The following GABRG3 variants were observed in gnomAD, a reference collection of about 807,000 sequenced individuals.
The protein encoded by GABRG3 is gamma-aminobutyric acid receptor subunit gamma-3.
In GABRG3, 25 loss-of-function variants were observed where a neutral mutation model predicts 48.8. The ratio of observed to expected loss-of-function variants is 0.51; its 90% CI spans 0.37 to 0.72. The LOEUF (loss-of-function observed/expected upper bound fraction) is 0.72. Ranked by LOEUF, GABRG3 falls within the 30% of genes least tolerant of loss-of-function variation. The probability of loss-of-function intolerance (pLI) is 0.00; values close to 1 mark genes in which losing one functional copy is unlikely to be tolerated. For missense variants in GABRG3, 394 were observed against 577.9 expected (o/e 0.68, Z 3.26); for synonymous variants, 227 against 217.6 (o/e 1.04, Z -0.38).
rs192409313 is a variant in GABRG3, at chr15:27,524,141, G to A, written c.866-3292G>A. Among the ~76,000 whole-genome samples, 430 of 152,124 alleles carry A rather than the reference G, an allele frequency of 2.8e-3. 3 individuals are homozygous for A. Among genetic ancestry groups the A allele is most frequent in the African/African-American group, 9.9e-3 (413 of 41,554 alleles). ...AAATTATTAAGAGTAGCAAAGAAATGTCACCTTGCCTATATAGAAAAAACA... is the reference window on the plus strand; with the variant it reads ...AAATTATTAAGAGTAGCAAAGAAATATCACCTTGCCTATATAGAAAAAACA... On this transcript the variant is annotated intron_variant, in intron 7 of 9. Coordinates refer to ENST00000615808, the MANE Select transcript of GABRG3 (RefSeq NM_033223.5).
chr15:27,208,475 A>G (rs904994231), intron 3 of GABRG3: 16 of 179,590 alleles, frequency 8.9e-5, no homozygotes, highest in Admixed American at 8.9e-4. Context: ...AATACTGCCT[A>G]GTTTCTGAAG....
chr15:26,992,368 G>C (rs1187005671), intron 2 of GABRG3, among the ~76,000 whole-genome samples: 1 of 152,142 alleles, frequency 6.6e-6, no homozygotes, highest in Non-Finnish European at 1.5e-5. Flanking sequence ...CTGTGGGTCT[G>C]TCATATACAG....
intron 3 of GABRG3, among the ~76,000 whole-genome samples, chr15:27,138,217 C>CA (rs1211918985): frequency 1.3e-5 from 2 of 152,200 alleles, no homozygotes; most frequent in African/African-American, 4.8e-5. Context: ...ACTTTAGACA[C>CA]AAACAATTTG....
At chr15:27,439,863 A>C (rs1038945208) in intron 5 of GABRG3, among the ~76,000 whole-genome samples, 1 of 152,238 alleles carries the variant, frequency 6.6e-6, no homozygotes, top group Admixed American at 6.5e-5. Flanking sequence ...AGACGGCACC[A>C]GTATAACCCG....
chr15:27,285,298 TG>T (rs1891573303), intron 3 of GABRG3, among the ~76,000 whole-genome samples: 1 of 134,718 alleles, frequency 7.4e-6, no homozygotes, highest in East Asian at 2.0e-4. Context: ...TGTGTGTGTG[TG>T]TGTTTTCTTC....
At chr15:27,195,732 T>C (rs2140425677) in intron 3 of GABRG3, among the ~76,000 whole-genome samples, 1 of 152,186 alleles carries the variant, frequency 6.6e-6, no homozygotes, top group Admixed American at 6.5e-5. Context: ...CCTCCCAGGT[T>C]CAAGTGATTC....
chr15:26,976,621 C>T lies in GABRG3; in HGVS notation c.54-381C>T, dbSNP rs1443465323. On this transcript the variant is annotated intron_variant, in intron 1 of 9. Transcript: ENST00000615808. This position sits in a 1 kb window ranked among gnomAD's most constrained non-coding sequence, Gnocchi z 7.8. ...GGGTGGAAACACCACGATGCAGTCA[C>T]CATATAGAAAACCTCTAGAAGGTTT... Among the ~76,000 whole-genome samples the T allele has an allele frequency of 6.6e-6, 1 of 152,112 alleles. No individual in the cohort carries two copies. The highest frequency in any genetic ancestry group is 1.5e-5 in the Non-Finnish European group (1 of 68,026).
intron 3 of GABRG3, among the ~76,000 whole-genome samples, chr15:27,127,325 T>C (rs143773396): frequency 6.6e-6 from 1 of 152,120 alleles, no homozygotes; most frequent in Non-Finnish European, 1.5e-5. Flanking sequence ...GAGGACATTA[T>C]GCTAAGTAAA....
At chr15:27,113,322 T>C (rs1897586890) in intron 3 of GABRG3, among the ~76,000 whole-genome samples, 1 of 152,194 alleles carries the variant, frequency 6.6e-6, no homozygotes, top group Admixed American at 6.6e-5. Flanking sequence ...TGTTTTTGCG[T>C]TAATTTTTTC....
intron 6 of GABRG3, among the ~76,000 whole-genome samples, chr15:27,507,737 C>G (rs138800775): frequency 2.2e-4 from 34 of 152,212 alleles, no homozygotes; most frequent in African/African-American, 7.9e-4. Flanking sequence ...TTTGTCCTTT[C>G]AATCACTTAG....
chr15:27,235,147 C>T (rs28478836), intron 3 of GABRG3, among the ~76,000 whole-genome samples: 3,197 of 152,246 alleles, frequency 0.021, 122 homozygotes, highest in African/African-American at 0.073. Context: ...TTTGTTTTGT[C>T]TTAAAAGCTT....
At chr15:26,990,064 T>A (rs1157544593) in intron 2 of GABRG3, among the ~76,000 whole-genome samples, 5 of 152,256 alleles carry the variant, frequency 3.3e-5, no homozygotes, top group Admixed American at 2.6e-4. Flanking sequence ...TTGGCTATTG[T>A]GAACAGTGCT....
At chr15:27,371,560 G>A (rs570969336) in intron 5 of GABRG3, among the ~76,000 whole-genome samples, 1 of 152,224 alleles carries the variant, frequency 6.6e-6, no homozygotes, top group African/African-American at 2.4e-5. Flanking sequence ...ACAATACAAG[G>A]GCACCATTTG....
At chr15:27,306,488 ATAAT>A (rs1337702082) in intron 3 of GABRG3, among the ~76,000 whole-genome samples, 2 of 140,306 alleles carry the variant, frequency 1.4e-5, no homozygotes, top group Non-Finnish European at 3.0e-5. Context: ...AAACATATAT[ATAAT>A]ATAAACATAT....
chr15:27,202,033 A>C (rs1888700256), intron 3 of GABRG3, among the ~76,000 whole-genome samples: 1 of 152,206 alleles, frequency 6.6e-6, no homozygotes, highest in Non-Finnish European at 1.5e-5. Context: ...GCAGCATTTC[A>C]TTGCCAATTT....
chr15:27,502,026 C>T (rs1566869815), intron 6 of GABRG3, among the ~76,000 whole-genome samples: 1 of 152,144 alleles, frequency 6.6e-6, no homozygotes, highest in Non-Finnish European at 1.5e-5. Context: ...CCTCCCAGGA[C>T]TGAAGCCACA....
At chr15:27,140,442 A>G (rs1254760429) in intron 3 of GABRG3, among the ~76,000 whole-genome samples, 1 of 152,214 alleles carries the variant, frequency 6.6e-6, no homozygotes, top group Non-Finnish European at 1.5e-5. Flanking sequence ...GAATATCAAA[A>G]GAAATTTGAG....
chr15:27,263,318 T>A (rs943738298), intron 3 of GABRG3, among the ~76,000 whole-genome samples: 38 of 152,188 alleles, frequency 2.5e-4, no homozygotes, highest in African/African-American at 8.7e-4. Context: ...ATCTGTAAAC[T>A]GTTAAGTCCT....
intron 3 of GABRG3, among the ~76,000 whole-genome samples, chr15:27,088,956 C>T (rs1253224037): frequency 6.6e-6 from 1 of 152,114 alleles, no homozygotes; most frequent in Non-Finnish European, 1.5e-5. Context: ...TGTGCCGGGT[C>T]CAGGGCATTG....
Sources: gnomAD v4.1 joint callset for allele counts (sites outside exome capture counted in the v4.1 genomes callset) on GRCh38, gnomAD v4.1.1 for gene constraint, Gnocchi (gnomAD v3.1) non-coding constraint, MANE v1.5 for transcripts, NCBI Gene and HGNC (gene_info 2026-07-23, HGNC 2026-07-21) for gene names.